The following ABAT variants were observed in gnomAD, a reference collection of about 807,000 sequenced individuals.
The protein encoded by ABAT is 4-aminobutyrate aminotransferase.
ABAT carries 45 observed loss-of-function variants against 64.6 expected under a neutral mutation model. The observed-to-expected ratio is 0.70, with a 90% CI of 0.55 to 0.89. ABAT has a LOEUF of 0.89. Ranked by LOEUF, ABAT falls within the 40% of genes least tolerant of loss-of-function variation. The pLI, the probability that ABAT is intolerant of heterozygous loss-of-function variation, is 0.00. For synonymous variants in ABAT, 297 were observed against 250.5 expected, an observed-to-expected ratio of 1.19 and a Z score of -1.75; for missense variants, 633 against 658.4, an observed-to-expected ratio of 0.96 and a Z score of 0.42.
intron 2 of ABAT, among the ~76,000 whole-genome samples, chr16:8,738,878 C>A (rs752433977): frequency 6.6e-6 from 1 of 152,162 alleles, no homozygotes; most frequent in East Asian, 1.9e-4. Context: ...CTCCTGACCT[C>A]AAGTGATCCA....
At chr16:8,742,476 A>G (rs2059190954) in intron 2 of ABAT, among the ~76,000 whole-genome samples, 1 of 152,266 alleles carries the variant, frequency 6.6e-6, no homozygotes, top group South Asian at 2.1e-4. Flanking sequence ...GTGAAGAGCT[A>G]TTTTTATCAA....
In ABAT at chr16:8,762,743, C is replaced by T. The variant is rs970858373; in HGVS notation, c.367-1326C>T. On this transcript the variant is annotated intron_variant, in intron 6 of 15. Coordinates refer to ENST00000268251, the MANE Select transcript of ABAT (RefSeq NM_020686.6). ...GCTAGTGAGGGCCAGCTTGCTTCCA[C>T]CCTATTCTCATGATGTGATTTCTTA... 2.6e-5 allele frequency among the ~76,000 whole-genome samples: 4 copies of T among 152,252 alleles called. No individual in the cohort carries two copies. In the South Asian group the frequency reaches 8.3e-4, roughly 32 times the overall value.
rs1437152779 is a variant in ABAT at position 8,779,605 on chromosome 16, G to A, written c.1381+15G>A. The A allele has an allele frequency of 6.2e-7, 1 of 1,604,598 alleles. No individual in the cohort carries two copies. Reference sequence around the variant, plus strand: ...CAGAAACAAAGGTAAGGGGTCAGGAGTGGCTGCTGAGTTTCATGAGCATCC... The same window carrying A: ...CAGAAACAAAGGTAAGGGGTCAGGAATGGCTGCTGAGTTTCATGAGCATCC... On this transcript the variant is annotated intron_variant, in intron 15 of 15. Transcript: ENST00000268251.
chr16:8,706,748 A>G (rs1002650457), intron 1 of ABAT, among the ~76,000 whole-genome samples: 1 of 152,170 alleles, frequency 6.6e-6, no homozygotes, highest in Non-Finnish European at 1.5e-5. Flanking sequence ...ATGTGTAAGT[A>G]CTAACTGTGA....
At chr16:8,682,101 TG>T (rs1232843194) in intron 1 of ABAT, among the ~76,000 whole-genome samples, 1 of 151,926 alleles carries the variant, frequency 6.6e-6, no homozygotes, top group Non-Finnish European at 1.5e-5. Context: ...GGAACAAGAT[TG>T]CCCCTGGTTG....
In ABAT at chr16:8,748,439, T is replaced by C. The variant is rs576408765; in HGVS notation, c.198+302T>C. On this transcript the variant is annotated intron_variant, in intron 4 of 15. Coordinates refer to ENST00000268251, the MANE Select transcript of ABAT (RefSeq NM_020686.6). ...TCCTGTTAAATTTATTGAGCCTTTTTTTATGGCCTAGCGTATGGTCTAGCC... is the reference window on the plus strand; with the variant it reads ...TCCTGTTAAATTTATTGAGCCTTTTCTTATGGCCTAGCGTATGGTCTAGCC... Among the ~76,000 whole-genome samples the C allele has an allele frequency of 6.6e-5, 10 of 152,346 alleles. No individual in the cohort carries two copies. In the East Asian group the frequency reaches 7.7e-4, roughly 12 times the overall value.
chr16:8,680,292 C>G (rs996571774), intron 1 of ABAT, among the ~76,000 whole-genome samples: 2 of 152,226 alleles, frequency 1.3e-5, no homozygotes, highest in African/African-American at 4.8e-5. Context: ...ATTCTTGTGT[C>G]TTAAATGCAT....
At position 8,782,738 on chromosome 16, in the gene ABAT, G is replaced by A. The variant is rs1026836755; in HGVS notation, c.*1308G>A. 1.2e-4 allele frequency: 19 copies of A among 152,256 alleles called. No individual in the cohort carries two copies. The highest frequency in any genetic ancestry group is 4.6e-4 in the African/African-American group (19 of 41,452). 9.4% of individuals were successfully genotyped at this position (152,256 alleles called of 1,614,324 possible). A position where few individuals can be genotyped will look rare whatever the true frequency, so the allele number is the denominator to read the frequency against. On this transcript the variant is annotated 3_prime_UTR_variant, in exon 16 of 16. Coordinates refer to ENST00000268251, the MANE Select transcript of ABAT (RefSeq NM_020686.6). ...TTTGACCTCGAATGCTCCTAAAAGA[G>A]AACTTGATAGCCTGACAGCAGAGAA...
intron 5 of ABAT, among the ~76,000 whole-genome samples, chr16:8,754,666 A>ATTTC (rs1189573096): frequency 7.0e-3 from 81 of 11,644 alleles, no homozygotes; most frequent in African/African-American, 0.011. Context: ...AAGTTGATTT[A>ATTTC]TTTATTTCTT....
chr16:8,729,483 A>G (rs982973931), intron 1 of ABAT, among the ~76,000 whole-genome samples: 7 of 152,098 alleles, frequency 4.6e-5, no homozygotes, highest in African/African-American at 1.7e-4. Flanking sequence ...CCCTACTCCT[A>G]TAGATGTTTG....
In ABAT at chr16:8,776,385, GA is replaced by G; in HGVS notation, c.1166del (p.Asn389ThrfsTer17). ...ACACCTGGCTGGGGGACCCGTCCAA[GA>G]ACCTGTTGCTGGCTGAGGTCATCAA... ...FNTWLGDPSK[N>X]LLLAEVINII... On this transcript the variant is annotated frameshift_variant, in exon 14 of 16. Transcript: ENST00000268251. LOFTEE classifies it high-confidence loss of function. This position sits in a 1 kb window ranked among gnomAD's most constrained non-coding sequence, Gnocchi z 4.4. 1.2e-6 allele frequency: 2 copies of G among 1,614,214 alleles called. No homozygotes were observed. The highest frequency in any genetic ancestry group is 1.7e-6 in the Non-Finnish European group (2 of 1,180,034).
In ABAT at chr16:8,735,815, C is replaced by T. The variant is rs369944447; in HGVS notation, c.70+6C>T. 3 of 1,597,738 alleles carry T rather than the reference C, an allele frequency of 1.9e-6. No individual in the cohort carries two copies. Among genetic ancestry groups the T allele is most frequent in the East Asian group, 2.2e-5 (1 of 44,630 alleles). ...CTACCGCCTGCTGGTGCCTGGTAAG[C>T]CCCGGGGGTCTTGATAAGAACTGGT... On this transcript the variant is annotated splice_donor_region_variant and intron_variant, in intron 2 of 15. Coordinates refer to ENST00000268251, the MANE Select transcript of ABAT (RefSeq NM_020686.6).
chr16:8,751,911 G>C (rs897452517), intron 5 of ABAT, among the ~76,000 whole-genome samples: 1 of 152,236 alleles, frequency 6.6e-6, no homozygotes, highest in African/African-American at 2.4e-5. Flanking sequence ...GCTATTTGCA[G>C]CTTGGATGGT....
In ABAT at chr16:8,776,431, C is replaced by G. The variant is rs1256407713; in HGVS notation, c.1210C>G (p.Leu404Val). Residue 404 changes from leucine to valine, a missense_variant, in exon 14 of 16, where the codon CTG becomes GTG. Leu to Val is a conservative substitution (Grantham distance 32, BLOSUM62 1). Coordinates refer to ENST00000268251, the MANE Select transcript of ABAT (RefSeq NM_020686.6). This position sits in a 1 kb window ranked among gnomAD's most constrained non-coding sequence, Gnocchi z 4.4. ...EVINIIKRED[L>V]LNNAAHAGKA... is the part of the protein sequence containing the mutation. Reference sequence around the variant, plus strand: ...CATCAACATCATCAAGCGGGAGGACCTGCTAAATAATGCAGCCCATGCCGG... The same window carrying G: ...CATCAACATCATCAAGCGGGAGGACGTGCTAAATAATGCAGCCCATGCCGG... The G allele has an allele frequency of 6.2e-7, 1 of 1,614,110 alleles. No individual in the cohort carries two copies. Among genetic ancestry groups the G allele is most frequent in the Non-Finnish European group, 8.5e-7 (1 of 1,180,048 alleles).
chr16:8,764,532 C>T lies in ABAT; in HGVS notation c.448-206C>T, dbSNP rs1452916591. On this transcript the variant is annotated intron_variant, in intron 7 of 15. Coordinates refer to ENST00000268251, the MANE Select transcript of ABAT (RefSeq NM_020686.6). This position sits in a 1 kb window ranked among gnomAD's most constrained non-coding sequence, Gnocchi z 4.2. The stretch of plus-strand genomic sequence containing the variant: ...AGTGGGCTTTTGCCCCCCTTCTTTC[C>T]TCTCTGCCAGCCTCAGGGCCTCCCT... Among the ~76,000 whole-genome samples, 1 of 152,188 alleles carries T rather than the reference C, an allele frequency of 6.6e-6. No homozygotes were observed. Among genetic ancestry groups the T allele is most frequent in the African/African-American group, 2.4e-5 (1 of 41,434 alleles).
rs552341323 is a variant in ABAT at position 8,735,793 on chromosome 16, C to T, written c.54C>T (p.Tyr18=). 5 of 1,606,188 alleles carry T rather than the reference C, an allele frequency of 3.1e-6. No homozygotes were observed. The African/African-American group carries it at 4.0e-5, about 13-fold the overall frequency. Residue 18 remains tyrosine (Y), a synonymous_variant, in exon 2 of 16, where the codon TAC becomes TAT. Transcript: ENST00000268251. ...TGGCCTGCAGCTTCCAGCACAGCTA[C>T]CGCCTGCTGGTGCCTGGTAAGCCCC... ...QRLACSFQHS[Y]RLLVPGSRHI...
intron 1 of ABAT, among the ~76,000 whole-genome samples, chr16:8,706,695 A>G (rs562632231): frequency 1.3e-5 from 2 of 152,324 alleles, no homozygotes; most frequent in Admixed American, 1.3e-4. Flanking sequence ...CCTGGGAGAC[A>G]GAGCAAGACC....
chr16:8,776,352 G>T lies in ABAT; in HGVS notation c.1131G>T (p.Arg377=). 6.2e-7 allele frequency: 1 copy of T among 1,614,162 alleles called. No homozygotes were observed. The highest frequency in any genetic ancestry group is 8.5e-7 in the Non-Finnish European group (1 of 1,180,036). ...CCCGTTCCTCATTCCAGCCCTACCGGATCTTCAACACCTGGCTGGGGGACC... is the reference window on the plus strand; with the variant it reads ...CCCGTTCCTCATTCCAGCCCTACCGTATCTTCAACACCTGGCTGGGGGACC... ...KEEFRPNAPY[R]IFNTWLGDPS... Residue 377 remains arginine, a synonymous_variant, in exon 14 of 16, where the codon CGG becomes CGT. Transcript: ENST00000268251. The surrounding 1 kb of genome is among the most constrained non-coding windows in gnomAD (Gnocchi z 4.4).
At chr16:8,742,844 C>G (rs1596448005) in intron 2 of ABAT, among the ~76,000 whole-genome samples, 1 of 130,972 alleles carries the variant, frequency 7.6e-6, no homozygotes, top group Admixed American at 9.0e-5. Flanking sequence ...CCGGCTTGGG[C>G]GACAGAGTGA....
Sources: allele counts gnomAD v4.1 joint callset (sites outside exome capture counted in the v4.1 genomes callset), GRCh38; gene constraint gnomAD v4.1.1; non-coding constraint Gnocchi (gnomAD v3.1); transcripts MANE v1.5; gene names NCBI Gene and HGNC (gene_info 2026-07-23, HGNC 2026-07-21).